Variants in XKR6 observed in about 807,000 individuals in gnomAD.
XKR6 encodes XK-related protein 6.
A neutral mutation model predicts 56.7 loss-of-function variants in XKR6; 22 were observed. The ratio of observed to expected loss-of-function variants is 0.39; its 90% CI spans 0.28 to 0.55. The LOEUF is 0.55. Among genes scored for constraint, XKR6 ranks in the 20% least tolerant of loss-of-function variants. The pLI, the probability that XKR6 is intolerant of heterozygous loss-of-function variation, is 0.66. For synonymous variants in XKR6, 524 were observed against 387.8 expected (o/e 1.35, Z -4.13); for missense variants, 852 against 889.0 (o/e 0.96, Z 0.53).
At chr8:11,015,114 G>A (rs1798588495) in intron 1 of XKR6, among the ~76,000 whole-genome samples, 1 of 152,124 alleles carries the variant, frequency 6.6e-6, no homozygotes, top group Admixed American at 6.5e-5. Context: ...GTTGGGAGGA[G>A]GCGCTTGGGG....
At chr8:10,904,837 TG>T (rs550787884) in intron 2 of XKR6, among the ~76,000 whole-genome samples, 125 of 152,318 alleles carry the variant, frequency 8.2e-4, no homozygotes, top group African/African-American at 3.0e-3. Context: ...GAGCCAGAGC[TG>T]GGCTCAACTG....
intron 1 of XKR6, among the ~76,000 whole-genome samples, chr8:11,176,929 G>A (rs1194061737): frequency 6.6e-6 from 1 of 152,188 alleles, no homozygotes; most frequent in Admixed American, 6.5e-5. Context: ...CACTTTCAGC[G>A]TGGCCAATGC....
At chr8:11,087,785 C>G (rs1268171807) in intron 1 of XKR6, among the ~76,000 whole-genome samples, 5 of 152,212 alleles carry the variant, frequency 3.3e-5, no homozygotes, top group African/African-American at 4.8e-5. Context: ...AACATCTGAT[C>G]TCACACGCAA....
intron 1 of XKR6, among the ~76,000 whole-genome samples, chr8:11,166,022 C>G (rs570550887): frequency 1.8e-3 from 265 of 148,030 alleles, no homozygotes; most frequent in African/African-American, 6.1e-3. Context: ...GTTGTGTGAT[C>G]TCAGCTCACT....
chr8:11,056,690 T>C (rs560886324), intron 1 of XKR6, among the ~76,000 whole-genome samples: 4 of 152,352 alleles, frequency 2.6e-5, no homozygotes, highest in African/African-American at 9.6e-5. Context: ...AATGTCACCA[T>C]TGATTTAGGT....
At chr8:11,048,699 G>C (rs927998488) in intron 1 of XKR6, among the ~76,000 whole-genome samples, 2 of 152,164 alleles carry the variant, frequency 1.3e-5, no homozygotes, top group African/African-American at 4.8e-5. Flanking sequence ...GGTGACTCTG[G>C]ACTCCGCAGG....
intron 1 of XKR6, chr8:11,123,630 C>G: frequency 3.0e-6 from 1 of 328,824 alleles, no homozygotes; most frequent in Non-Finnish European, 6.0e-6. Flanking sequence ...GTTTAAGATA[C>G]TTGGCTATAT....
At chr8:11,088,029 T>C (rs1450831060) in intron 1 of XKR6, among the ~76,000 whole-genome samples, 1 of 152,206 alleles carries the variant, frequency 6.6e-6, no homozygotes, top group Non-Finnish European at 1.5e-5. Context: ...AAAATTGTTT[T>C]CCAGGAATGT....
At chr8:11,134,546 A>G (rs529963231) in intron 1 of XKR6, among the ~76,000 whole-genome samples, 5 of 152,260 alleles carry the variant, frequency 3.3e-5, no homozygotes, top group African/African-American at 1.2e-4. Flanking sequence ...AATGTGTGGC[A>G]TTTGTTAAGA....
intron 1 of XKR6, among the ~76,000 whole-genome samples, chr8:10,980,289 CA>C (rs1797699150): frequency 6.6e-6 from 1 of 152,114 alleles, no homozygotes; most frequent in African/African-American, 2.4e-5. Context: ...GGGAAGGGGC[CA>C]GATGGGTAAG....
intron 1 of XKR6, among the ~76,000 whole-genome samples, chr8:11,069,908 A>T (rs997870364): frequency 2.0e-5 from 3 of 152,180 alleles, no homozygotes; most frequent in African/African-American, 7.2e-5. Context: ...GGGTATTTTA[A>T]TGTTCTCAGG....
chr8:11,200,757 C>T lies in XKR6; in HGVS notation c.583G>A (p.Ala195Thr), dbSNP rs1305573222. 6.3e-7 allele frequency: 1 copy of T among 1,598,006 alleles called. No homozygotes were observed. The highest frequency in any genetic ancestry group is 2.3e-5 in the East Asian group (1 of 42,952). ...VQDYTGGGLG[A>T]VEGLTSRGPP... ...CCCCGGCTGGTGAGCCCCTCCACGG[C>T]GCCCAGCCCGCCGCCCGTGTAGTCC... Residue 195 changes from alanine (A) to threonine (T), a missense_variant, in exon 1 of 3, where the codon GCC (alanine) becomes ACC (threonine). Around this residue, in one of 4 missense-constraint regions of XKR6, gnomAD observed 417 missense variants for 355.2 expected, o/e 1.17. Transcript: ENST00000416569. The surrounding 1 kb of genome is among the most constrained non-coding windows in gnomAD (Gnocchi z 6.4).
chr8:11,005,504 C>T (rs1798347313), intron 1 of XKR6, among the ~76,000 whole-genome samples: 1 of 152,084 alleles, frequency 6.6e-6, no homozygotes, highest in Non-Finnish European at 1.5e-5. Context: ...GGTTGTACAA[C>T]ACCATGGATG....
chr8:11,186,930 A>C (rs190844283), intron 1 of XKR6, among the ~76,000 whole-genome samples: 399 of 152,322 alleles, frequency 2.6e-3, no homozygotes, highest in Middle Eastern at 6.8e-3. Flanking sequence ...ACTAACTTCT[A>C]CTTAATTTGG....
chr8:11,120,592 G>A (rs1472550055), intron 1 of XKR6, among the ~76,000 whole-genome samples: 8 of 152,024 alleles, frequency 5.3e-5, no homozygotes, highest in African/African-American at 9.7e-5. Flanking sequence ...AATCAATATC[G>A]TGAAAATGGC....
chr8:10,907,519 C>G (rs1164054698), intron 2 of XKR6, among the ~76,000 whole-genome samples: 1 of 152,192 alleles, frequency 6.6e-6, no homozygotes, highest in East Asian at 1.9e-4. Context: ...CTATCAGCAG[C>G]AGCAGACTGA....
intron 1 of XKR6, among the ~76,000 whole-genome samples, chr8:10,992,594 C>T (rs1798018846): frequency 1.3e-5 from 2 of 152,202 alleles, no homozygotes; most frequent in African/African-American, 4.8e-5. Context: ...ACTCTAATCC[C>T]TCTTGTTCTT....
chr8:11,167,177 G>T (rs1026266358), intron 1 of XKR6, among the ~76,000 whole-genome samples: 3 of 152,166 alleles, frequency 2.0e-5, no homozygotes, highest in Non-Finnish European at 4.4e-5. Flanking sequence ...AGCACCAACT[G>T]TCAGAACTAA....
In XKR6 at chr8:10,924,844, TGG is replaced by T; in HGVS notation, c.765-16_765-15del. 5.0e-6 allele frequency: 8 copies of T among 1,608,182 alleles called. No homozygotes were observed. The highest frequency in any genetic ancestry group is 6.8e-6 in the Non-Finnish European group (8 of 1,176,364). On this transcript the variant is annotated splice_polypyrimidine_tract_variant and intron_variant, in intron 1 of 2. Coordinates refer to ENST00000416569, the MANE Select transcript of XKR6 (RefSeq NM_173683.4). ...GTGCGGATATACCTGCCCAGAGAGA[TGG>T]GGAGAACACAGAGAGCATGGGTGGG...
Sources: gnomAD v4.1 joint callset for allele counts (sites outside exome capture counted in the v4.1 genomes callset) on GRCh38, gnomAD v4.1.1 for gene constraint, gnomAD v4.1.1 regional missense constraint, Gnocchi (gnomAD v3.1) non-coding constraint, MANE v1.5 for transcripts, NCBI Gene and HGNC (gene_info 2026-07-23, HGNC 2026-07-21) for gene names.